SUPT7L: variants seen among roughly 807,000 people sequenced by gnomAD.
SUPT7L encodes STAGA complex 65 subunit gamma.
SUPT7L carries 15 observed loss-of-function variants against 35.7 expected under a neutral mutation model. The ratio of observed to expected loss-of-function variants is 0.42; its 90% confidence interval spans 0.28 to 0.65. The LOEUF (loss-of-function observed/expected upper bound fraction) is 0.65, where lower values mean the gene tolerates loss of function less well. Ranked by LOEUF, SUPT7L falls within the 30% of genes least tolerant of loss-of-function variation. SUPT7L has a pLI of 0.23. For missense variants in SUPT7L, 434 were observed against 522.2 expected (o/e 0.83, Z 1.65); for synonymous variants, 168 against 186.2 (o/e 0.90, Z 0.79).
At chr2:27,654,768 G>A (rs1674711629) in intron 5 of SUPT7L, among the ~76,000 whole-genome samples, 2 of 152,084 alleles carry the variant, frequency 1.3e-5, no homozygotes, top group African/African-American at 4.8e-5. Context: ...GGATTTCACT[G>A]TGTTAGCCAG....
At chr2:27,662,418 A>T (rs900195453) in intron 1 of SUPT7L, 137 bp from the exon 2 acceptor site, 2 of 518,912 alleles carry the variant, frequency 3.9e-6, no homozygotes, top group Non-Finnish European at 7.0e-6. Context: ...CTTTGTTCTA[A>T]CAACATTATA....
chr2:27,655,947 G>A (rs1199407379), intron 4 of SUPT7L, among the ~76,000 whole-genome samples: 1 of 152,068 alleles, frequency 6.6e-6, no homozygotes, highest in African/African-American at 2.4e-5. Flanking sequence ...TACTTTGGGA[G>A]GCCAAGGTGG....
chr2:27,644,723 GTT>G, the SUPT7L span, among the ~76,000 whole-genome samples: 5 of 101,736 alleles, frequency 4.9e-5, no homozygotes, highest in Admixed American at 9.5e-5. Context: ...TTTTGGTAGT[GTT>G]TTTTTTTTTT....
rs1439259083 is a variant in SUPT7L at position 27,652,936 on chromosome 2, C to A, written c.*549G>T. On this transcript the variant is annotated 3_prime_UTR_variant, in exon 6 of 6. Transcript: ENST00000337768. ...TATAAATAAGACACTTCAAAAGTAG[C>A]AAAAACAGTTTTAAGAAGGTGACTA... 1 of 154,422 alleles carries A rather than the reference C, an allele frequency of 6.5e-6. No individual in the cohort carries two copies. The highest frequency in any genetic ancestry group is 1.4e-5 in the Non-Finnish European group (1 of 69,504). 9.6% of individuals were successfully genotyped at this position (154,422 alleles called of 1,614,324 possible). A position where few individuals can be genotyped will look rare whatever the true frequency, so the allele number is the denominator to read the frequency against.
At chr2:27,648,149 T>C (rs1205786763), downstream of SUPT7L, among the ~76,000 whole-genome samples, 1 of 152,218 alleles carries the variant, frequency 6.6e-6, no homozygotes, top group Non-Finnish European at 1.5e-5. Flanking sequence ...GTTGGTCTTG[T>C]GTCTTCTTAT....
intron 2 of SUPT7L, 58 bp downstream of exon 2, chr2:27,662,121 A>G (rs1675142060): frequency 1.2e-6 from 2 of 1,613,784 alleles, no homozygotes; most frequent in Non-Finnish European, 8.5e-7. Flanking sequence ...CCTATTGGAA[A>G]AAGTCAGAAT....
downstream of SUPT7L, among the ~76,000 whole-genome samples, chr2:27,649,339 G>A (rs1674400786): frequency 6.6e-6 from 1 of 151,558 alleles, no homozygotes; most frequent in Non-Finnish European, 1.5e-5. Context: ...TTATTCTTTA[G>A]GCTGGGTTTT....
At chr2:27,647,724 G>A (rs112502911), downstream of SUPT7L, 457 of 659,892 alleles carry the variant, frequency 6.9e-4, 1 homozygote, top group African/African-American at 6.8e-3. Context: ...AAGATCCTGC[G>A]TTTATATGTA....
chr2:27,652,183 G>T lies in SUPT7L; in HGVS notation c.*1302C>A, dbSNP rs944071370. Reference sequence around the variant, plus strand: ...AAATAAATAAATAAATTAAAAAAAAGACTGTGACAGAAAGGGTTTAGAGAA... The same window carrying T: ...AAATAAATAAATAAATTAAAAAAAATACTGTGACAGAAAGGGTTTAGAGAA... On this transcript the variant is annotated 3_prime_UTR_variant, in exon 6 of 6. Transcript: ENST00000337768. 1 of 152,046 alleles carries T rather than the reference G, an allele frequency of 6.6e-6. No individual in the cohort carries two copies. Among genetic ancestry groups the T allele is most frequent in the South Asian group, 2.1e-4 (1 of 4,818 alleles). 9.4% of individuals were successfully genotyped at this position (152,046 alleles called of 1,614,324 possible). A position where few individuals can be genotyped will look rare whatever the true frequency, so the allele number is the denominator to read the frequency against.
chr2:27,663,181 G>C (rs1335906869), intron 1 of SUPT7L, 148 bp downstream of exon 1: 1 of 155,652 alleles, frequency 6.4e-6, no homozygotes, highest in Non-Finnish European at 1.4e-5. Flanking sequence ...CTAGTGTCTT[G>C]CCCAATGTCA....
intron 4 of SUPT7L, among the ~76,000 whole-genome samples, chr2:27,656,649 TTCAGA>T (rs1674817082): frequency 6.6e-6 from 1 of 152,054 alleles, no homozygotes; most frequent in African/African-American, 2.4e-5. Context: ...TTTTTTTTTT[TTCAGA>T]CAGGGTCTTG....
At chr2:27,662,129 A>T (rs1300981771) in intron 2 of SUPT7L, 50 bp downstream of exon 2, 2 of 1,613,802 alleles carry the variant, frequency 1.2e-6, no homozygotes, top group Non-Finnish European at 1.7e-6. Flanking sequence ...AAAAAGTCAG[A>T]ATTCCTTGGC....
downstream of SUPT7L, among the ~76,000 whole-genome samples, chr2:27,647,229 C>T (rs1674280642): frequency 6.6e-6 from 1 of 152,154 alleles, no homozygotes; most frequent in African/African-American, 2.4e-5. Flanking sequence ...GTGACTATGT[C>T]CTCCCATGGC....
chr2:27,655,723 G>A, intron 4 of SUPT7L, 121 bp from the exon 5 acceptor site: 1 of 825,150 alleles, frequency 1.2e-6, no homozygotes, highest in Non-Finnish European at 1.9e-6. Context: ...AACATTCACT[G>A]CCAATGGGAG....
rs1203650484 is a variant in SUPT7L, at chr2:27,661,059, A to G, written c.344T>C (p.Leu115Pro). The G allele has an allele frequency of 6.2e-7, 1 of 1,614,068 alleles. No individual in the cohort carries two copies. The highest frequency in any genetic ancestry group is 1.3e-5 in the African/African-American group (1 of 74,912). The change falls in exon 3 of 6, where the codon CTC (leucine) becomes CCC (proline). Residue 115 changes from leucine (L) to proline (P), a missense_variant. Leu to Pro is a moderately conservative substitution (Grantham distance 98). Transcript: ENST00000337768. Reference protein sequence around the residue: ...CPGSPPLPDDLLPLDCKNPNA... With the variant: ...CPGSPPLPDDPLPLDCKNPNA... Reference sequence around the variant, plus strand: ...GGGATTCTTACAATCTAAAGGCAGGAGGTCATCAGGGAGAGGAGGTGACCC... The same window carrying G: ...GGGATTCTTACAATCTAAAGGCAGGGGGTCATCAGGGAGAGGAGGTGACCC...
chr2:27,653,151 A>T lies in SUPT7L; in HGVS notation c.*334T>A. The T allele has an allele frequency of 3.3e-6, 1 of 301,960 alleles. No individual in the cohort carries two copies. The highest frequency in any genetic ancestry group is 6.3e-6 in the Non-Finnish European group (1 of 158,378). The allele number at this position is 301,960 out of a possible 1,614,324, so 18.7% of individuals were successfully genotyped here. A position where few individuals can be genotyped will look rare whatever the true frequency, so the allele number is the denominator to read the frequency against. On this transcript the variant is annotated 3_prime_UTR_variant, in exon 6 of 6. Coordinates refer to ENST00000337768, the MANE Select transcript of SUPT7L (RefSeq NM_014860.3). ...TCCTCACATCTCTACAAGGTAGGTC[A>T]AAGTATGATTCTTCTCAGTTGTACA...
rs778859365 is a variant in SUPT7L, at chr2:27,655,562, T to C, written c.785A>G (p.Asn262Ser). The C allele has an allele frequency of 3.2e-5, 52 of 1,609,764 alleles. No homozygotes were observed. Among genetic ancestry groups the C allele is most frequent in the Non-Finnish European group, 4.2e-5 (50 of 1,178,694 alleles). ...QLSEEYERIV[N>S]PEKATEDAKP... is the part of the protein sequence containing the mutation. The stretch of plus-strand genomic sequence containing the variant: ...AGCGTCCTCTGTGGCCTTCTCAGGA[T>C]TGACAATCCTTTCATATTCTTCAGA... The change falls in exon 5 of 6, where the codon AAT (asparagine) becomes AGT (serine). Residue 262 changes from asparagine to serine, a missense_variant. Asn to Ser is a conservative substitution (Grantham distance 46, BLOSUM62 1). This residue lies in a region of SUPT7L where 159 missense variants were observed against 217.1 expected (regional missense o/e 0.73). Coordinates refer to ENST00000337768, the MANE Select transcript of SUPT7L (RefSeq NM_014860.3).
Position 27,652,784 on chromosome 2 carries a change from AGTAT to A in SUPT7L, c.*697_*700del, listed in dbSNP as rs1674617205. 6.5e-6 allele frequency: 1 copy of A among 152,876 alleles called. No individual in the cohort carries two copies. The highest frequency in any genetic ancestry group is 1.5e-5 in the Non-Finnish European group (1 of 68,116). The allele number at this position is 152,876 out of a possible 1,614,324, so 9.5% of individuals were successfully genotyped here. The stretch of plus-strand genomic sequence containing the variant: ...CAATTGAAAATATGTATATGGTGAA[AGTAT>A]GTGAGTCCGAGCAGAAATAACAAAG... On this transcript the variant is annotated 3_prime_UTR_variant, in exon 6 of 6. Transcript: ENST00000337768.
downstream of SUPT7L, among the ~76,000 whole-genome samples, chr2:27,645,988 C>T (rs1674208226): frequency 6.6e-6 from 1 of 151,734 alleles, no homozygotes; most frequent in Admixed American, 6.6e-5. Context: ...CCTCAGCCAC[C>T]CAAAGTACTG....
Sources: allele counts gnomAD v4.1 joint callset (sites outside exome capture counted in the v4.1 genomes callset), GRCh38; gene constraint gnomAD v4.1.1; regional missense constraint gnomAD v4.1.1; transcripts MANE v1.5; gene names NCBI Gene and HGNC (gene_info 2026-07-23, HGNC 2026-07-21).